DBT: variants seen among roughly 807,000 people sequenced by gnomAD.
DBT encodes the protein dihydrolipoamide branched chain transacylase E2.
Under a neutral mutation model 51.3 loss-of-function variants are expected in DBT, and 40 were observed. The observed-to-expected ratio is 0.78, with a 90% CI of 0.61 to 1.02. DBT has a LOEUF of 1.02. Among genes scored for constraint, DBT ranks in the 50% least tolerant of loss-of-function variants. DBT has a pLI of 0.00. For missense variants in DBT, 510 were observed against 580.2 expected, an observed-to-expected ratio of 0.88 and a Z score of 1.24; for synonymous variants, 181 against 190.4, an observed-to-expected ratio of 0.95 and a Z score of 0.41.
chr1:100,212,358 G>T (rs1485970649), intron 7 of DBT, among the ~76,000 whole-genome samples: 5 of 151,786 alleles, frequency 3.3e-5, no homozygotes, highest in Admixed American at 3.3e-4. Flanking sequence ...GCAGCACTGC[G>T]AGACACATCT....
At chr1:100,213,168 T>C (rs1662253939) in intron 7 of DBT, 12 of 453,980 alleles carry the variant, frequency 2.6e-5, no homozygotes, top group Non-Finnish European at 4.4e-5. Context: ...AATATTTACA[T>C]GTCAGGGTTA....
At position 100,218,706 on chromosome 1, in the gene DBT, C is replaced by T. The variant is rs1350392391; in HGVS notation, c.475G>A (p.Asp159Asn). 6.2e-7 allele frequency: 1 copy of T among 1,613,916 alleles called. No homozygotes were observed. Among genetic ancestry groups the T allele is most frequent in the Admixed American group, 1.7e-5 (1 of 60,008 alleles). Residue 159 changes from aspartate to asparagine, a missense_variant, in exon 5 of 11, where the codon GAT (aspartate) becomes AAT (asparagine). Physicochemically the swap from Asp to Asn is conservative, Grantham distance 23. Coordinates refer to ENST00000370132, the MANE Select transcript of DBT (RefSeq NM_001918.5). ...DVVETPAVSH[D>N]EHTHQEIKGR... ...TTTATCTCTTGGTGTGTATGTTCATCATGAGACACTGCAGGAGTTTCAACA... is the reference window on the plus strand; with the variant it reads ...TTTATCTCTTGGTGTGTATGTTCATTATGAGACACTGCAGGAGTTTCAACA...
intron 8 of DBT, among the ~76,000 whole-genome samples, 174 bp from the exon 9 acceptor site, chr1:100,206,810 G>A (rs545311292): frequency 1.3e-5 from 2 of 152,274 alleles, no homozygotes; most frequent in East Asian, 1.9e-4. Flanking sequence ...TGGGCTAGGC[G>A]CAGTGGCTCA....
intron 7 of DBT, among the ~76,000 whole-genome samples, chr1:100,213,949 C>CAA (rs758614475): frequency 7.6e-5 from 9 of 118,380 alleles, no homozygotes; most frequent in East Asian, 4.6e-4. Flanking sequence ...AGATTCATAC[C>CAA]AAAAAAAAAA....
At position 100,248,292 on chromosome 1, in the gene DBT, C is replaced by T. The variant is rs143290489; in HGVS notation, c.51+1478G>A. Among the ~76,000 whole-genome samples the T allele has an allele frequency of 3.7e-4, 56 of 152,192 alleles. No homozygotes were observed. The East Asian group carries it at 9.1e-3, about 25-fold the overall frequency. ...GACAAATGAACTACTAGGGAAATGA[C>T]GACATTGATAATCATAAGCCACTTA... On this transcript the variant is annotated intron_variant, in intron 1 of 10. Coordinates refer to ENST00000370132, the MANE Select transcript of DBT (RefSeq NM_001918.5).
chr1:100,230,725 T>TA lies in DBT; in HGVS notation c.433+7dup, dbSNP rs2100827150. 2.5e-6 allele frequency: 4 copies of TA among 1,586,400 alleles called. No individual in the cohort carries two copies. In the South Asian group the frequency reaches 4.5e-5, roughly 18 times the overall value. On this transcript the variant is annotated splice_region_variant and intron_variant, in intron 4 of 10. Coordinates refer to ENST00000370132, the MANE Select transcript of DBT (RefSeq NM_001918.5). ...ATTTGGTAAAATAGATTAACAGACT[T>TA]ACAATACCTTTTAAAGCTTCCGTTT... is the stretch of plus-strand genomic sequence containing the variant.
chr1:100,212,063 C>T (rs1206011382), intron 7 of DBT, among the ~76,000 whole-genome samples: 3 of 152,138 alleles, frequency 2.0e-5, no homozygotes, highest in Non-Finnish European at 4.4e-5. Context: ...TGAGACACTG[C>T]GCCCAGCCAA....
intron 7 of DBT, among the ~76,000 whole-genome samples, chr1:100,213,865 C>T (rs907204465): frequency 6.6e-6 from 1 of 150,970 alleles, no homozygotes. Flanking sequence ...CTCATGACAA[C>T]TCAATGAAGC....
chr1:100,242,801 C>T (rs1383784428), intron 1 of DBT, among the ~76,000 whole-genome samples: 1 of 152,122 alleles, frequency 6.6e-6, no homozygotes, highest in South Asian at 2.1e-4. Context: ...ATAGATTCAC[C>T]TTAATTTAAA....
At chr1:100,237,623 G>A (rs1663950024) in intron 2 of DBT, among the ~76,000 whole-genome samples, 1 of 152,106 alleles carries the variant, frequency 6.6e-6, no homozygotes, top group African/African-American at 2.4e-5. Flanking sequence ...GTAAGAAGCA[G>A]AAGTATAGAA....
At chr1:100,233,867 T>TA (rs1426280586) in intron 3 of DBT, among the ~76,000 whole-genome samples, 1 of 152,130 alleles carries the variant, frequency 6.6e-6, no homozygotes, top group African/African-American at 2.4e-5. Context: ...CTGAGAAAGG[T>TA]AAAAACACCT....
At chr1:100,232,094 G>A (rs1424677346) in intron 3 of DBT, among the ~76,000 whole-genome samples, 1 of 152,146 alleles carries the variant, frequency 6.6e-6, no homozygotes, top group Non-Finnish European at 1.5e-5. Flanking sequence ...ATATTCAACA[G>A]TTCTTTATAA....
chr1:100,231,039 G>GT, intron 3 of DBT, 125 bp from the exon 4 acceptor site: 1 of 667,282 alleles, frequency 1.5e-6, no homozygotes, highest in Non-Finnish European at 2.7e-6. Flanking sequence ...TTCAGATGGT[G>GT]TACTAAGCAA....
At position 100,219,050 on chromosome 1, in the gene DBT, G is replaced by T. The variant is rs1462317192; in HGVS notation, c.434-303C>A. On this transcript the variant is annotated intron_variant, in intron 4 of 10. Coordinates refer to ENST00000370132, the MANE Select transcript of DBT (RefSeq NM_001918.5). ...GTTTAAACATGAGAGTTTTCCTCAA[G>T]AAATTTTAAAATGTGTTGTGGCTAG... is the stretch of plus-strand genomic sequence containing the variant. Among the ~76,000 whole-genome samples the T allele has an allele frequency of 2.6e-5, 4 of 152,004 alleles. No individual in the cohort carries two copies. In the South Asian group the frequency reaches 8.3e-4, roughly 32 times the overall value.
chr1:100,244,264 A>G (rs777113386), intron 1 of DBT, among the ~76,000 whole-genome samples: 3 of 152,198 alleles, frequency 2.0e-5, no homozygotes, highest in African/African-American at 7.2e-5. Flanking sequence ...TTGACTTAGC[A>G]TATCTGCTGG....
rs1311079842 is a variant in DBT at position 100,189,509 on chromosome 1, T to C, written c.*6746A>G. On this transcript the variant is annotated 3_prime_UTR_variant, in exon 11 of 11. Transcript: ENST00000370132. ...TTGATGACCTTGAAATGCTAAAGCA[T>C]TGGAATGAATGTCTGTAGATCAGGA... The C allele has an allele frequency of 6.6e-6, 1 of 152,160 alleles. No individual in the cohort carries two copies. Among genetic ancestry groups the C allele is most frequent in the East Asian group, 1.9e-4 (1 of 5,202 alleles). The allele number at this position is 152,160 out of a possible 1,614,324, so 9.4% of individuals were successfully genotyped here.
chr1:100,231,479 G>A (rs1456424218), intron 3 of DBT, among the ~76,000 whole-genome samples: 1 of 152,162 alleles, frequency 6.6e-6, no homozygotes, highest in African/African-American at 2.4e-5. Flanking sequence ...AAAACAGGAG[G>A]AATGGGACCA....
intron 5 of DBT, 95 bp downstream of exon 5, chr1:100,218,531 T>TGAGCTATTTCATC (rs1553231022): frequency 7.5e-6 from 10 of 1,330,436 alleles, no homozygotes; most frequent in Non-Finnish European, 1.1e-5. Context: ...TTAATTTCAT[T>TGAGCTATTTCATC]GAGCTATTTC....
At chr1:100,236,042 C>T (rs889036988) in intron 2 of DBT, among the ~76,000 whole-genome samples, 2 of 152,060 alleles carry the variant, frequency 1.3e-5, no homozygotes, top group Non-Finnish European at 2.9e-5. Flanking sequence ...CCTAAGTCGT[C>T]TCTTTCCTCT....
Sources: gnomAD v4.1 joint callset for allele counts (sites outside exome capture counted in the v4.1 genomes callset) on GRCh38, gnomAD v4.1.1 for gene constraint, MANE v1.5 for transcripts, NCBI Gene and HGNC (gene_info 2026-07-23, HGNC 2026-07-21) for gene names.